Variants in ANKDD1B observed in about 807,000 individuals in gnomAD.
The protein encoded by ANKDD1B is ankyrin repeat and death domain containing 1B, also known as ankyrin repeat and death domain-containing protein 1B.
Under a neutral mutation model 59.7 loss-of-function variants are expected in ANKDD1B, and 57 were observed. The ratio of observed to expected loss-of-function variants is 0.95; its 90% CI spans 0.77 to 1.19. ANKDD1B has a LOEUF of 1.19. ANKDD1B is among the 50% of genes most tolerant of loss of function. ANKDD1B has a pLI of 0.00. For synonymous variants in ANKDD1B, 216 were observed against 239.5 expected, an observed-to-expected ratio of 0.90 and a Z score of 0.91; for missense variants, 602 against 641.9, an observed-to-expected ratio of 0.94 and a Z score of 0.67.
intron 10 of ANKDD1B, among the ~76,000 whole-genome samples, chr5:75,661,391 C>T (rs1179893174): frequency 3.9e-5 from 4 of 103,838 alleles, no homozygotes; most frequent in Admixed American, 2.9e-4. Context: ...AGCGAAACTC[C>T]GTCTGAAAAA....
chr5:75,639,433 G>A (rs1581141933), intron 7 of ANKDD1B, among the ~76,000 whole-genome samples: 2 of 152,296 alleles, frequency 1.3e-5, no homozygotes, highest in South Asian at 4.1e-4. Flanking sequence ...CTGACCTGAG[G>A]TGATCCACCC....
intron 5 of ANKDD1B, among the ~76,000 whole-genome samples, chr5:75,627,280 C>A (rs1236956459): frequency 6.6e-6 from 1 of 152,042 alleles, no homozygotes; most frequent in African/African-American, 2.4e-5. Context: ...AAGTCTTGTC[C>A]CACATATAAT....
chr5:75,653,359 T>C (rs1774880077), intron 8 of ANKDD1B, 119 bp downstream of exon 8: 2 of 674,262 alleles, frequency 3.0e-6, no homozygotes, highest in Non-Finnish European at 5.2e-6. Flanking sequence ...AGGAATTCTT[T>C]CTGGGAAGGC....
At chr5:75,668,099 T>C (rs1775359768) in intron 12 of ANKDD1B, among the ~76,000 whole-genome samples, 1 of 152,228 alleles carries the variant, frequency 6.6e-6, no homozygotes, top group African/African-American at 2.4e-5. Flanking sequence ...GAACTCTAAC[T>C]TGACCTAAAG....
At chr5:75,654,854 C>T (rs1321956150) in intron 8 of ANKDD1B, among the ~76,000 whole-genome samples, 1 of 152,108 alleles carries the variant, frequency 6.6e-6, no homozygotes, top group Non-Finnish European at 1.5e-5. Context: ...TCGCCACTCG[C>T]TTCACACTCA....
chr5:75,627,004 A>C (rs1337310387), intron 5 of ANKDD1B, among the ~76,000 whole-genome samples: 1 of 152,198 alleles, frequency 6.6e-6, no homozygotes, highest in Non-Finnish European at 1.5e-5. Flanking sequence ...TTCTGACCTT[A>C]ATCTTAAAAA....
At chr5:75,633,731 A>G (rs1436139219) in intron 5 of ANKDD1B, among the ~76,000 whole-genome samples, 1 of 152,178 alleles carries the variant, frequency 6.6e-6, no homozygotes, top group Non-Finnish European at 1.5e-5. Context: ...TAGTTTGGCT[A>G]TGCTTTGTCC....
intron 7 of ANKDD1B, 74 bp from the exon 8 acceptor site, chr5:75,653,068 C>T: frequency 1.0e-6 from 1 of 993,096 alleles, no homozygotes; most frequent in Admixed American, 2.0e-5. Context: ...AACTGATTAC[C>T]ATGTCATAAA....
intron 7 of ANKDD1B, among the ~76,000 whole-genome samples, chr5:75,648,542 A>C (rs1774722821): frequency 6.6e-6 from 1 of 152,194 alleles, no homozygotes; most frequent in African/African-American, 2.4e-5. Flanking sequence ...CATCCGACTG[A>C]GACTTCAGGC....
rs924222022 is a variant in ANKDD1B at position 75,639,449 on chromosome 5, G to A, written c.798+3567G>A. On this transcript the variant is annotated intron_variant, in intron 7 of 13. Coordinates refer to ENST00000601380, the MANE Select transcript of ANKDD1B (RefSeq NM_001276713.2). Reference sequence around the variant, plus strand: ...TGACCTGAGGTGATCCACCCACCTCGGTCTCCCAAAGTGCTGGGATTACAG... The same window carrying A: ...TGACCTGAGGTGATCCACCCACCTCAGTCTCCCAAAGTGCTGGGATTACAG... Among the ~76,000 whole-genome samples the A allele has an allele frequency of 3.9e-5, 6 of 152,042 alleles. No homozygotes were observed. In the South Asian group the frequency reaches 1.0e-3, roughly 26 times the overall value.
At chr5:75,622,887 C>T (rs79712119) in intron 3 of ANKDD1B, among the ~76,000 whole-genome samples, 45 of 152,252 alleles carry the variant, frequency 3.0e-4, no homozygotes, top group Non-Finnish European at 5.6e-4. Context: ...CTCTGAGGAA[C>T]AATGGCTCCA....
In ANKDD1B at chr5:75,648,267, TAAAAAAA is replaced by T. The variant is rs57389631; in HGVS notation, c.799-4865_799-4859del. Among the ~76,000 whole-genome samples, 79 of 87,424 alleles carry T rather than the reference TAAAAAAA, an allele frequency of 9.0e-4. No individual in the cohort carries two copies. In the South Asian group the frequency reaches 0.016, roughly 18 times the overall value. 57.4% of individuals were successfully genotyped at this position (87,424 alleles called of 152,430 possible). ...TAAAGTATAATTAAAAAAAAAAAAT[TAAAAAAA>T]AAAAAAAAAGAATTCATGGGAGCCA... is the stretch of plus-strand genomic sequence containing the variant. On this transcript the variant is annotated intron_variant, in intron 7 of 13. Coordinates refer to ENST00000601380, the MANE Select transcript of ANKDD1B (RefSeq NM_001276713.2).
intron 12 of ANKDD1B, 80 bp from the exon 13 acceptor site, chr5:75,669,172 G>A: frequency 1.6e-6 from 2 of 1,215,396 alleles, no homozygotes; most frequent in Non-Finnish European, 2.1e-6. Flanking sequence ...CATTCAGAAA[G>A]TTTAGTTGGA....
At chr5:75,664,361 G>A (rs370709944) in intron 11 of ANKDD1B, among the ~76,000 whole-genome samples, 5 of 152,124 alleles carry the variant, frequency 3.3e-5, no homozygotes, top group African/African-American at 9.7e-5. Flanking sequence ...TTCTTTTAAA[G>A]GTCACACCAT....
chr5:75,625,537 A>G (rs908317003), intron 3 of ANKDD1B, 110 bp from the exon 4 acceptor site: 4 of 783,348 alleles, frequency 5.1e-6, no homozygotes, highest in African/African-American at 1.7e-5. Context: ...TAAATTCTCT[A>G]TTTCTTAGTT....
intron 8 of ANKDD1B, among the ~76,000 whole-genome samples, chr5:75,655,389 C>T (rs766369639): frequency 2.6e-5 from 4 of 152,124 alleles, no homozygotes; most frequent in East Asian, 1.9e-4. Context: ...AAGGGGGACA[C>T]GAGTCCTACA....
At chr5:75,612,361 T>C (rs1773592289) in intron 1 of ANKDD1B, among the ~76,000 whole-genome samples, 1 of 48,840 alleles carries the variant, frequency 2.0e-5, no homozygotes. Flanking sequence ...CCGCCCCGCG[T>C]GTAGGGTCTT....
intron 10 of ANKDD1B, among the ~76,000 whole-genome samples, chr5:75,662,776 T>C (rs191842563): frequency 3.9e-5 from 6 of 152,252 alleles, no homozygotes; most frequent in South Asian, 2.1e-4. Context: ...ACAGCCCTTG[T>C]TGATCATTCC....
chr5:75,658,441 G>A (rs1459726304), intron 9 of ANKDD1B, among the ~76,000 whole-genome samples: 2 of 152,060 alleles, frequency 1.3e-5, no homozygotes, highest in African/African-American at 2.4e-5. Flanking sequence ...AGGTTAAGAC[G>A]GGTGATTTTC....
Sources: gnomAD v4.1 joint callset for allele counts (sites outside exome capture counted in the v4.1 genomes callset) on GRCh38, gnomAD v4.1.1 for gene constraint, MANE v1.5 for transcripts, NCBI Gene and HGNC (gene_info 2026-07-23, HGNC 2026-07-21) for gene names.